The following ATXN1 variants were observed in gnomAD, a reference collection of about 807,000 sequenced individuals.
The protein encoded by ATXN1 is ataxin 1.
In ATXN1, 8 loss-of-function variants were observed where a neutral mutation model predicts 56.4. That is an observed-to-expected ratio of 0.14 (90% CI 0.08 to 0.26). ATXN1 has a LOEUF of 0.26. Ranked by LOEUF, ATXN1 falls within the 10% of genes least tolerant of loss-of-function variation. ATXN1 has a pLI of 1.00. For missense variants in ATXN1, 987 were observed against 1,106.5 expected (o/e 0.89, Z 1.53); for synonymous variants, 514 against 494.6 (o/e 1.04, Z -0.52).
Position 16,306,233 on chromosome 6 carries a change from G to T in ATXN1, c.*96C>A. 7.1e-7 allele frequency: 1 copy of T among 1,399,028 alleles called. No homozygotes were observed. Among genetic ancestry groups the T allele is most frequent in the Non-Finnish European group, 9.6e-7 (1 of 1,040,824 alleles). The allele number at this position is 1,399,028 out of a possible 1,614,324, so 86.7% of individuals were successfully genotyped here. ...TAGAACAGAAACCTAAAATTAAGAA[G>T]ATAACATGTAAATACTGTGTTATTT... On this transcript the variant is annotated 3_prime_UTR_variant, in exon 8 of 8. Coordinates refer to ENST00000436367, the MANE Select transcript of ATXN1 (RefSeq NM_001128164.2). This position sits in a 1 kb window ranked among gnomAD's most constrained non-coding sequence, Gnocchi z 5.2.
chr6:16,378,641 C>T (rs1200212793), intron 6 of ATXN1, among the ~76,000 whole-genome samples: 1 of 152,090 alleles, frequency 6.6e-6, no homozygotes, highest in Non-Finnish European at 1.5e-5. Context: ...CTCACCGCAG[C>T]CTTGACTGCC....
intron 6 of ATXN1, among the ~76,000 whole-genome samples, chr6:16,351,627 T>A (rs1002832148): frequency 1.3e-5 from 2 of 152,194 alleles, no homozygotes; most frequent in African/African-American, 4.8e-5. Context: ...TGTCTTGAAC[T>A]CTTGGGCTCA....
In ATXN1 at chr6:16,760,567, C is replaced by T. The variant is rs545733629; in HGVS notation, c.-730+731G>A. On this transcript the variant is annotated intron_variant, in intron 1 of 7. Coordinates refer to ENST00000436367, the MANE Select transcript of ATXN1 (RefSeq NM_001128164.2). The surrounding 1 kb of genome is among the most constrained non-coding windows in gnomAD (Gnocchi z 5.3). ...CGGTCCCCGAGGCCACCCCTCTGCG[C>T]CCCCCGCCCGGCACCCGGCCGCGCG... Among the ~76,000 whole-genome samples the T allele has an allele frequency of 2.4e-3, 357 of 151,506 alleles. No homozygotes were observed. The highest frequency in any genetic ancestry group is 8.2e-3 in the African/African-American group (340 of 41,428).
At chr6:16,649,226 TA>T in intron 3 of ATXN1, among the ~76,000 whole-genome samples, 1 of 152,224 alleles carries the variant, frequency 6.6e-6, no homozygotes, top group South Asian at 2.1e-4. Flanking sequence ...TCATTTTATT[TA>T]AGCCAAGTTA....
intron 6 of ATXN1, among the ~76,000 whole-genome samples, chr6:16,407,532 C>T (rs535047133): frequency 2.0e-5 from 3 of 152,340 alleles, no homozygotes; most frequent in Admixed American, 6.5e-5. Context: ...TTACTCACAA[C>T]ATCTGGTTTG....
At chr6:16,514,315 T>A (rs755456859) in intron 5 of ATXN1, among the ~76,000 whole-genome samples, 1 of 152,046 alleles carries the variant, frequency 6.6e-6, no homozygotes, top group Non-Finnish European at 1.5e-5. Context: ...ACTGTCAGCT[T>A]GCAAGAATTT....
intron 3 of ATXN1, among the ~76,000 whole-genome samples, chr6:16,643,683 G>T (rs1763750694): frequency 6.6e-6 from 1 of 150,732 alleles, no homozygotes; most frequent in Non-Finnish European, 1.5e-5. Context: ...GAGCCTGCTT[G>T]CAGAAATTCT....
chr6:16,327,251 G>A lies in ATXN1; in HGVS notation c.1060C>T (p.His354Tyr). The change falls in exon 7 of 8, where the codon CAC becomes TAC. Residue 354 changes from histidine (H) to tyrosine (Y), a missense_variant. His to Tyr is a moderately conservative substitution (Grantham distance 83). Around this residue, in one of 3 missense-constraint regions of ATXN1, gnomAD observed 723 missense variants for 791.7 expected, o/e 0.91. Coordinates refer to ENST00000436367, the MANE Select transcript of ATXN1 (RefSeq NM_001128164.2). ...LGKAGGKSVP[H>Y]PYESRHVVVH... ...ACCACGTGCCTGGACTCGTACGGGT[G>A]AGGAACCGACTTGCCGCCTGCCTTG... 1 of 1,613,442 alleles carries A rather than the reference G, an allele frequency of 6.2e-7. No individual in the cohort carries two copies. Among genetic ancestry groups the A allele is most frequent in the Non-Finnish European group, 8.5e-7 (1 of 1,179,714 alleles).
chr6:16,500,529 C>T (rs1042999444), intron 5 of ATXN1, among the ~76,000 whole-genome samples: 1 of 151,760 alleles, frequency 6.6e-6, no homozygotes, highest in Non-Finnish European at 1.5e-5. Context: ...TACTATTTAC[C>T]TTTCTTTCTC....
chr6:16,403,679 T>C (rs867809248), intron 6 of ATXN1, among the ~76,000 whole-genome samples: 2 of 152,152 alleles, frequency 1.3e-5, no homozygotes, highest in African/African-American at 2.4e-5. Flanking sequence ...GCAACTTTCA[T>C]ACCATATTTA....
chr6:16,601,646 C>T (rs1054501332), intron 3 of ATXN1, among the ~76,000 whole-genome samples: 1 of 152,072 alleles, frequency 6.6e-6, no homozygotes, highest in Non-Finnish European at 1.5e-5. Context: ...GTCAGGAGAT[C>T]GAGACCATCC....
intron 7 of ATXN1, among the ~76,000 whole-genome samples, chr6:16,318,865 G>A (rs570123112): frequency 5.3e-5 from 8 of 152,296 alleles, no homozygotes; most frequent in East Asian, 1.9e-4. Context: ...GCTGTGACAC[G>A]GAAGCCCTTA....
intron 6 of ATXN1, among the ~76,000 whole-genome samples, chr6:16,422,315 T>A (rs1213583547): frequency 6.6e-6 from 1 of 152,198 alleles, no homozygotes; most frequent in Non-Finnish European, 1.5e-5. Context: ...GAGGAAGCTG[T>A]GCACAGTAAG....
intron 3 of ATXN1, among the ~76,000 whole-genome samples, chr6:16,636,138 C>T (rs1444461021): frequency 6.6e-6 from 1 of 152,134 alleles, no homozygotes; most frequent in Non-Finnish European, 1.5e-5. Context: ...TTCCCATGGT[C>T]CTGTGACTTC....
chr6:16,625,660 T>A (rs749752831), intron 3 of ATXN1, among the ~76,000 whole-genome samples: 7 of 151,932 alleles, frequency 4.6e-5, no homozygotes, highest in Middle Eastern at 3.2e-3. Context: ...TAAGATGTGG[T>A]CCCAGCAGAG....
intron 2 of ATXN1, among the ~76,000 whole-genome samples, chr6:16,705,127 T>C (rs1221912863): frequency 6.6e-6 from 1 of 152,096 alleles, no homozygotes; most frequent in African/African-American, 2.4e-5. Flanking sequence ...GAAGCCAAAA[T>C]CCAGGTAGTG....
intron 6 of ATXN1, among the ~76,000 whole-genome samples, chr6:16,402,242 G>GTTTTTGTTTTTTTTTTTTTTTTT (rs1758589200): frequency 1.6e-5 from 1 of 62,118 alleles, no homozygotes; most frequent in African/African-American, 6.7e-5. Context: ...ACCACTGACA[G>GTTTTTGTTTTTTTTTTTTTTTTT]TTTTTTTTTT....
intron 6 of ATXN1, among the ~76,000 whole-genome samples, chr6:16,385,426 G>A (rs1463052022): frequency 6.6e-6 from 1 of 152,194 alleles, no homozygotes; most frequent in Non-Finnish European, 1.5e-5. Context: ...GGGGCAGTAA[G>A]CATGGAGAAG....
At chr6:16,432,053 A>T (rs1015568) in intron 6 of ATXN1, among the ~76,000 whole-genome samples, 1 of 151,974 alleles carries the variant, frequency 6.6e-6, no homozygotes, top group Non-Finnish European at 1.5e-5. Flanking sequence ...ATTTTGAAAT[A>T]CCAAATGGTA....
Sources: allele counts gnomAD v4.1 joint callset (sites outside exome capture counted in the v4.1 genomes callset), GRCh38; gene constraint gnomAD v4.1.1; regional missense constraint gnomAD v4.1.1; non-coding constraint Gnocchi (gnomAD v3.1); transcripts MANE v1.5; gene names NCBI Gene and HGNC (gene_info 2026-07-23, HGNC 2026-07-21).